WDR33: variants seen among roughly 807,000 people sequenced by gnomAD.
WDR33 encodes pre-mRNA 3' end processing protein WDR33.
WDR33 carries 47 observed loss-of-function variants against 164.9 expected under a neutral mutation model. The ratio of observed to expected loss-of-function variants is 0.29; its 90% CI spans 0.23 to 0.36. WDR33 has a LOEUF of 0.36. Among genes scored for constraint, WDR33 ranks in the 10% least tolerant of loss-of-function variants. The pLI is 1.00. For synonymous variants in WDR33, 505 were observed against 589.0 expected (o/e 0.86, Z 2.06); for missense variants, 1,137 against 1,754.1 (o/e 0.65, Z 6.28).
At chr2:127,736,990 A>G in intron 7 of WDR33, 1 of 985,436 alleles carries the variant, frequency 1.0e-6, no homozygotes, top group Non-Finnish European at 1.2e-6. Flanking sequence ...ATATTATTCC[A>G]AAACACTGCC....
At position 127,805,068 on chromosome 2, in the gene WDR33, CTTTTTTTTTTTTT is replaced by C. The variant is rs201681607; in HGVS notation, c.-24+5931_-24+5943del. Among the ~76,000 whole-genome samples, 6 of 84,380 alleles carry C rather than the reference CTTTTTTTTTTTTT, an allele frequency of 7.1e-5. 1 individual carries two copies. The highest frequency in any genetic ancestry group is 3.7e-4 in the East Asian group (1 of 2,718). 55.4% of individuals were successfully genotyped at this position (84,380 alleles called of 152,430 possible). On this transcript the variant is annotated intron_variant, in intron 1 of 21. Coordinates refer to ENST00000322313, the MANE Select transcript of WDR33 (RefSeq NM_018383.5). The stretch of plus-strand genomic sequence containing the variant: ...CGTATCATCACCTGTGAAGTTTTTT[CTTTTTTTTTTTTT>C]TTTTTTTTTTTTTTTTGAGACAGGG...
Position 127,723,098 on chromosome 2 carries a change from A to C in WDR33, c.1292-54T>G. On this transcript the variant is annotated intron_variant, in intron 12 of 21. Transcript: ENST00000322313. The surrounding 1 kb of genome is among the most constrained non-coding windows in gnomAD (Gnocchi z 5.9). ...AGAGAATTTACAAAAGTAGCGACTG[A>C]TAAAATTAATGCTTTATAAAAATGA... 6.7e-7 allele frequency: 1 copy of C among 1,496,888 alleles called. No individual in the cohort carries two copies. The highest frequency in any genetic ancestry group is 9.1e-7 in the Non-Finnish European group (1 of 1,098,736). 92.7% of individuals were successfully genotyped at this position (1,496,888 alleles called of 1,614,324 possible).
In WDR33 at chr2:127,701,544, C is replaced by G; in HGVS notation, c.*4779G>C. 7.4e-7 allele frequency: 1 copy of G among 1,345,472 alleles called. No individual in the cohort carries two copies. The highest frequency in any genetic ancestry group is 1.9e-5 in the South Asian group (1 of 52,358). 83.3% of individuals were successfully genotyped at this position (1,345,472 alleles called of 1,614,324 possible). On this transcript the variant is annotated 3_prime_UTR_variant, in exon 22 of 22. Coordinates refer to ENST00000322313, the MANE Select transcript of WDR33 (RefSeq NM_018383.5). ...CTTGTCCAAGATGGCGGACCTCCAC[C>G]GCCAGCTGCAGGAGTACCTGGCGCA...
At chr2:127,767,729 A>G (rs1687866748) in intron 4 of WDR33, among the ~76,000 whole-genome samples, 1 of 152,216 alleles carries the variant, frequency 6.6e-6, no homozygotes, top group South Asian at 2.1e-4. Flanking sequence ...AAATAAAAAA[A>G]TAAAATAAAA....
rs1220888579 is a variant in WDR33 at position 127,711,770 on chromosome 2, A to AT, written c.3308+1812dup. The stretch of plus-strand genomic sequence containing the variant: ...TATACAGATATATATATATATATAT[A>AT]TATATATATATTTTTTTTTTGAGAC... On this transcript the variant is annotated intron_variant, in intron 18 of 21. Transcript: ENST00000322313. Among the ~76,000 whole-genome samples, 78 of 77,878 alleles carry AT rather than the reference A, an allele frequency of 1.0e-3. 7 individuals carry two copies. The highest frequency in any genetic ancestry group is 1.3e-3 in the Non-Finnish European group (58 of 44,380). 51.1% of individuals were successfully genotyped at this position (77,878 alleles called of 152,430 possible).
chr2:127,789,732 G>C (rs950039370), intron 1 of WDR33, among the ~76,000 whole-genome samples: 2 of 150,932 alleles, frequency 1.3e-5, no homozygotes, highest in Admixed American at 6.6e-5. Context: ...CCAAACTTTA[G>C]GGAGGAGGCA....
At position 127,702,299 on chromosome 2, in the gene WDR33, C is replaced by T. The variant is rs1389569552; in HGVS notation, c.*4024G>A. The T allele has an allele frequency of 1.4e-5, 14 of 1,004,420 alleles. No homozygotes were observed. The highest frequency in any genetic ancestry group is 1.7e-5 in the African/African-American group (1 of 58,046). The allele number at this position is 1,004,420 out of a possible 1,614,324, so 62.2% of individuals were successfully genotyped here. A position where few individuals can be genotyped will look rare whatever the true frequency, so the allele number is the denominator to read the frequency against. Reference sequence around the variant, plus strand: ...CGTGGCGAAGGCCCTGCCCTAACAGCCTGCGAGTCTAATCCGGGAGCGGCT... The same window carrying T: ...CGTGGCGAAGGCCCTGCCCTAACAGTCTGCGAGTCTAATCCGGGAGCGGCT... On this transcript the variant is annotated 3_prime_UTR_variant, in exon 22 of 22. Coordinates refer to ENST00000322313, the MANE Select transcript of WDR33 (RefSeq NM_018383.5).
intron 1 of WDR33, among the ~76,000 whole-genome samples, chr2:127,786,099 T>C (rs1036989202): frequency 6.6e-6 from 1 of 152,220 alleles, no homozygotes; most frequent in African/African-American, 2.4e-5. Context: ...AGTAGCACAA[T>C]CACAGCTCAC....
intron 7 of WDR33, among the ~76,000 whole-genome samples, chr2:127,730,035 A>G (rs1241006907): frequency 6.6e-6 from 1 of 152,246 alleles, no homozygotes; most frequent in Non-Finnish European, 1.5e-5. Context: ...GATAACATCA[A>G]CTGGCTCCAA....
intron 7 of WDR33, among the ~76,000 whole-genome samples, chr2:127,761,270 C>T (rs868131324): frequency 2.6e-5 from 4 of 151,872 alleles, no homozygotes; most frequent in Admixed American, 6.6e-5. Flanking sequence ...GTGCAAACTC[C>T]GCTCACTGCA....
At chr2:127,805,783 G>A (rs1276086200) in intron 1 of WDR33, among the ~76,000 whole-genome samples, 2 of 152,118 alleles carry the variant, frequency 1.3e-5, no homozygotes, top group Non-Finnish European at 2.9e-5. Flanking sequence ...TTAAAAATCT[G>A]GCAGAAAGTA....
At chr2:127,788,729 C>T (rs1478135271) in intron 1 of WDR33, among the ~76,000 whole-genome samples, 21 of 144,866 alleles carry the variant, frequency 1.4e-4, no homozygotes, top group East Asian at 6.5e-4. Context: ...CCGGATGGCA[C>T]GGCTGGCCGG....
At position 127,714,919 on chromosome 2, in the gene WDR33, T is replaced by A. The variant is rs1686261851; in HGVS notation, c.2870-898A>T. 6.6e-6 allele frequency among the ~76,000 whole-genome samples: 1 copy of A among 152,140 alleles called. No individual in the cohort carries two copies. Among genetic ancestry groups the A allele is most frequent in the Non-Finnish European group, 1.5e-5 (1 of 68,024 alleles). On this transcript the variant is annotated intron_variant, in intron 17 of 21. Transcript: ENST00000322313. The surrounding 1 kb of genome is among the most constrained non-coding windows in gnomAD (Gnocchi z 4.3). ...TAGGTAGCGAAAGGATACTCTTGATTCTAAAAACAAAAACTGTGTTTTTAA... is the reference window on the plus strand; with the variant it reads ...TAGGTAGCGAAAGGATACTCTTGATACTAAAAACAAAAACTGTGTTTTTAA...
intron 7 of WDR33, among the ~76,000 whole-genome samples, chr2:127,750,795 GA>G (rs1167880907): frequency 8.3e-6 from 1 of 121,042 alleles, no homozygotes; most frequent in African/African-American, 3.4e-5. Context: ...CACACATATG[GA>G]AAAAACTATC....
rs28549226 is a variant in WDR33 at position 127,758,635 on chromosome 2, G to A, written c.724+4427C>T. 7.0e-3 allele frequency among the ~76,000 whole-genome samples: 1,066 copies of A among 152,246 alleles called. 10 individuals are homozygous for A. The highest frequency in any genetic ancestry group is 0.024 in the African/African-American group (1,014 of 41,548). On this transcript the variant is annotated intron_variant, in intron 7 of 21. Transcript: ENST00000322313. ...CTGATTCTCTTTATGAGTATAATGG[G>A]GAGGGGTGAGGCTGTGGGAGAAAAT...
In WDR33 at chr2:127,735,521, T is replaced by C. The variant is rs1686816707; in HGVS notation, c.725-8744A>G. On this transcript the variant is annotated intron_variant, in intron 7 of 21. Transcript: ENST00000322313. The surrounding 1 kb of genome is among the most constrained non-coding windows in gnomAD (Gnocchi z 4.3). ...CAAAACTTATAAAAAGCACCAAGAT[T>C]TTCTAATACAGGAAGAAAAAAGGCA... 1 of 985,522 alleles carries C rather than the reference T, an allele frequency of 1.0e-6. No individual in the cohort carries two copies. Among genetic ancestry groups the C allele is most frequent in the African/African-American group, 1.7e-5 (1 of 57,230 alleles). 61.0% of individuals were successfully genotyped at this position (985,522 alleles called of 1,614,324 possible). A position where few individuals can be genotyped will look rare whatever the true frequency, so the allele number is the denominator to read the frequency against.
intron 1 of WDR33, among the ~76,000 whole-genome samples, chr2:127,803,083 T>C (rs561776639): frequency 3.0e-4 from 45 of 152,196 alleles, no homozygotes; most frequent in African/African-American, 1.0e-3. Flanking sequence ...AATAAACAAA[T>C]TCAACAAACA....
Position 127,704,225 on chromosome 2 carries a change from A to G in WDR33, c.*2098T>C, listed in dbSNP as rs922219934. 6.0e-6 allele frequency: 1 copy of G among 166,696 alleles called. No homozygotes were observed. Among genetic ancestry groups the G allele is most frequent in the Non-Finnish European group, 1.5e-5 (1 of 68,078 alleles). The allele number at this position is 166,696 out of a possible 1,614,324, so 10.3% of individuals were successfully genotyped here. On this transcript the variant is annotated 3_prime_UTR_variant, in exon 22 of 22. Coordinates refer to ENST00000322313, the MANE Select transcript of WDR33 (RefSeq NM_018383.5). Reference sequence around the variant, plus strand: ...TGACAGTGATGTTTTTAAATGCCATATATATTTAATAAGTATAATGTAGAG... The same window carrying G: ...TGACAGTGATGTTTTTAAATGCCATGTATATTTAATAAGTATAATGTAGAG...
intron 1 of WDR33, among the ~76,000 whole-genome samples, chr2:127,788,481 C>A: frequency 7.4e-6 from 1 of 135,482 alleles, no homozygotes; most frequent in African/African-American, 2.9e-5. Context: ...GGCTGACACC[C>A]CCACCTCCCT....
Sources: gnomAD v4.1 joint callset for allele counts (sites outside exome capture counted in the v4.1 genomes callset) on GRCh38, gnomAD v4.1.1 for gene constraint, Gnocchi (gnomAD v3.1) non-coding constraint, MANE v1.5 for transcripts, NCBI Gene and HGNC (gene_info 2026-07-23, HGNC 2026-07-21) for gene names.